The following HPS4 variants were observed in gnomAD, a reference collection of about 807,000 sequenced individuals.
HPS4 encodes BLOC-3 complex member HPS4.
Under a neutral mutation model 70.3 loss-of-function variants are expected in HPS4, and 44 were observed. That is an observed-to-expected ratio of 0.63 (90% CI 0.49 to 0.80). HPS4 has a LOEUF of 0.80. HPS4 is among the 30% of genes least tolerant of loss of function. HPS4 has a pLI of 0.00. For synonymous variants in HPS4, 377 were observed against 355.9 expected (o/e 1.06, Z -0.67); for missense variants, 873 against 884.4 (o/e 0.99, Z 0.16).
downstream of HPS4, among the ~76,000 whole-genome samples, chr22:26,449,897 C>T (rs1037353868): frequency 1.3e-5 from 2 of 152,180 alleles, no homozygotes; most frequent in Admixed American, 6.5e-5. Flanking sequence ...TTCACGGGAC[C>T]GAATTCAGTA....
In HPS4 at chr22:26,463,986, G is replaced by A. The variant is rs1176769104; in HGVS notation, c.1644C>T (p.Val548=). The change falls in exon 11 of 14, where the codon GTC becomes GTT. Residue 548 remains valine, a synonymous_variant. Coordinates refer to ENST00000398145, the MANE Select transcript of HPS4 (RefSeq NM_022081.6). ...CCAGCAGGGACAGCACCAGCCCTTT[G>A]ACGCAGTGAGTGTAGAGATTCATCC... is the stretch of plus-strand genomic sequence containing the variant. The part of the protein sequence containing the change: ...LVRMNLYTHC[V]KGLVLSLLAE... The A allele has an allele frequency of 6.2e-7, 1 of 1,614,238 alleles. No individual in the cohort carries two copies. The highest frequency in any genetic ancestry group is 1.7e-4 in the Middle Eastern group (1 of 6,060).
In HPS4 at chr22:26,451,997, CGCGCGCG is replaced by C; in HGVS notation, c.*1229_*1235del. ...GATGCGCCCACGTTACGCGCGCGCGCGCGCGCGCACACACACACACACACACACACAC... is the reference window on the plus strand; with the variant it reads ...GATGCGCCCACGTTACGCGCGCGCGCCACACACACACACACACACACACAC... On this transcript the variant is annotated 3_prime_UTR_variant, in exon 14 of 14. Transcript: ENST00000398145. 1 of 31,200 alleles carries C rather than the reference CGCGCGCG, an allele frequency of 3.2e-5. No homozygotes were observed. Among genetic ancestry groups the C allele is most frequent in the Non-Finnish European group, 6.5e-5 (1 of 15,306 alleles). 1.9% of individuals were successfully genotyped at this position (31,200 alleles called of 1,614,324 possible). A position where few individuals can be genotyped will look rare whatever the true frequency, so the allele number is the denominator to read the frequency against.
At chr22:26,449,679 A>T (rs1482842204), downstream of HPS4, among the ~76,000 whole-genome samples, 1 of 152,064 alleles carries the variant, frequency 6.6e-6, no homozygotes, top group Non-Finnish European at 1.5e-5. Flanking sequence ...TGGCAACCTC[A>T]TGTGGGGCCC....
At chr22:26,461,918 G>A (rs2087358865) in intron 11 of HPS4, among the ~76,000 whole-genome samples, 1 of 152,146 alleles carries the variant, frequency 6.6e-6, no homozygotes, top group African/African-American at 2.4e-5. Flanking sequence ...CCTGAGGTCA[G>A]GAGTTCGAGA....
intron 10 of HPS4, among the ~76,000 whole-genome samples, 188 bp from the exon 11 acceptor site, chr22:26,465,014 G>T (rs967215965): frequency 6.6e-6 from 1 of 152,236 alleles, no homozygotes; most frequent in Non-Finnish European, 1.5e-5. Flanking sequence ...GGGGCTTTAC[G>T]TAGTGACACC....
rs2089927365 is a variant in HPS4 at position 26,472,249 on chromosome 22, T to C, written c.501+53A>G. ...TCACTTCAGGAATATTAAAAAAGTA[T>C]CCAGAAGCCCTAGTCTTACATATAA... On this transcript the variant is annotated intron_variant, in intron 6 of 13. Transcript: ENST00000398145. The C allele has an allele frequency of 3.7e-6, 4 of 1,082,038 alleles. No individual in the cohort carries two copies. In the East Asian group the frequency reaches 9.4e-5, roughly 25 times the overall value. The allele number at this position is 1,082,038 out of a possible 1,614,324, so 67.0% of individuals were successfully genotyped here.
chr22:26,470,281 G>C (rs2089570114), intron 7 of HPS4, among the ~76,000 whole-genome samples: 2 of 152,372 alleles, frequency 1.3e-5, no homozygotes, highest in Admixed American at 6.5e-5. Context: ...CTTGAAGGCA[G>C]CTGGATAAGG....
chr22:26,464,602 T>C lies in HPS4; in HGVS notation c.1028A>G (p.Asn343Ser), dbSNP rs1460984837. The C allele has an allele frequency of 2.5e-6, 4 of 1,614,092 alleles. No individual in the cohort carries two copies. The highest frequency in any genetic ancestry group is 2.5e-6 in the Non-Finnish European group (3 of 1,180,024). Residue 343 changes from asparagine (N) to serine (S), a missense_variant, in exon 11 of 14, where the codon AAC (asparagine) becomes AGC (serine). Transcript: ENST00000398145. ...GCCAAGAACCTCACCCCTGGCAGAGTTGTGCAGTCCTGCGGGCCTGATGCT... is the reference window on the plus strand; with the variant it reads ...GCCAAGAACCTCACCCCTGGCAGAGCTGTGCAGTCCTGCGGGCCTGATGCT... ...LESIRPAGLHNSARGEVLGLS... is the reference protein window; with the variant it reads ...LESIRPAGLHSSARGEVLGLS...
In HPS4 at chr22:26,452,159, CCAT is replaced by C; in HGVS notation, c.*1071_*1073del. The C allele has an allele frequency of 6.0e-6, 2 of 335,812 alleles. No homozygotes were observed. Among genetic ancestry groups the C allele is most frequent in the Non-Finnish European group, 1.2e-5 (2 of 169,782 alleles). 20.8% of individuals were successfully genotyped at this position (335,812 alleles called of 1,614,324 possible). On this transcript the variant is annotated 3_prime_UTR_variant, in exon 14 of 14. Coordinates refer to ENST00000398145, the MANE Select transcript of HPS4 (RefSeq NM_022081.6). Reference sequence around the variant, plus strand: ...GGAAGCTTGTTTCAAGAAAAAGACACCATATCATAAACATCAGATATCAGTTCA... The same window carrying C: ...GGAAGCTTGTTTCAAGAAAAAGACACATCATAAACATCAGATATCAGTTCA...
At chr22:26,476,592 CTT>C (rs548797058) in intron 4 of HPS4, 43 of 170,772 alleles carry the variant, frequency 2.5e-4, no homozygotes, top group South Asian at 6.4e-4. Flanking sequence ...AAGCAATATT[CTT>C]TTTTTTTTTT....
Position 26,464,525 on chromosome 22 carries a change from A to G in HPS4, c.1105T>C (p.Leu369=), listed in dbSNP as rs2088067271. Residue 369 remains leucine (L), a synonymous_variant, in exon 11 of 14, where the codon TTG becomes CTG. Coordinates refer to ENST00000398145, the MANE Select transcript of HPS4 (RefSeq NM_022081.6). ...ELVFLQEELD[L]SEIHIPEAQE... is the part of the protein sequence containing the mutation. ...GCCTCTGGAATGTGGATTTCAGACAAGTCGAGTTCTTCTTGGAGAAAGACT... is the reference window on the plus strand; with the variant it reads ...GCCTCTGGAATGTGGATTTCAGACAGGTCGAGTTCTTCTTGGAGAAAGACT... The G allele has an allele frequency of 1.2e-6, 2 of 1,614,184 alleles. No individual in the cohort carries two copies. The highest frequency in any genetic ancestry group is 2.2e-5 in the East Asian group (1 of 44,872).
chr22:26,452,369 A>C lies in HPS4; in HGVS notation c.*864T>G, dbSNP rs1179800588. On this transcript the variant is annotated 3_prime_UTR_variant, in exon 14 of 14. Coordinates refer to ENST00000398145, the MANE Select transcript of HPS4 (RefSeq NM_022081.6). The stretch of plus-strand genomic sequence containing the variant: ...GTACCACACAAGCCCAGGAACACAC[A>C]GCTGAGTGTCGCTCCCTTTCACGCA... 2.2e-6 allele frequency: 1 copy of C among 456,574 alleles called. No individual in the cohort carries two copies. Among genetic ancestry groups the C allele is most frequent in the Admixed American group, 2.4e-5 (1 of 42,522 alleles). 28.3% of individuals were successfully genotyped at this position (456,574 alleles called of 1,614,324 possible).
chr22:26,457,737 T>C, intron 13 of HPS4, 122 bp downstream of exon 13: 1 of 754,974 alleles, frequency 1.3e-6, no homozygotes, highest in Non-Finnish European at 2.3e-6. Context: ...AGGAAGGCCT[T>C]AAGGAGAGTA....
At chr22:26,478,354 C>T (rs1192185682) in intron 3 of HPS4, among the ~76,000 whole-genome samples, 1 of 151,894 alleles carries the variant, frequency 6.6e-6, no homozygotes. Flanking sequence ...GGGTGGATCA[C>T]GAGGTCAGGA....
At chr22:26,479,635 T>C (rs2091056252) in intron 2 of HPS4, 2 of 1,292,936 alleles carry the variant, frequency 1.5e-6, no homozygotes, top group Non-Finnish European at 2.0e-6. Context: ...CCACAATGAC[T>C]GCTCTTATTT....
chr22:26,450,055 C>T (rs2085092459), downstream of HPS4, among the ~76,000 whole-genome samples: 1 of 152,160 alleles, frequency 6.6e-6, no homozygotes, highest in Admixed American at 6.5e-5. Flanking sequence ...ACGTGAGTAA[C>T]CTCCCCCTGC....
At chr22:26,453,673 G>A (rs768278011) in intron 13 of HPS4, 4 of 508,280 alleles carry the variant, frequency 7.9e-6, no homozygotes, top group South Asian at 2.0e-5. Context: ...GGAGTTATAA[G>A]TATTGCATAA....
intron 2 of HPS4, 90 bp from the exon 3 acceptor site, chr22:26,479,445 G>A (rs942689646): frequency 6.4e-7 from 1 of 1,552,662 alleles, no homozygotes; most frequent in Non-Finnish European, 8.7e-7. Context: ...GCCCGAGGAG[G>A]GCTTATTACT....
downstream of HPS4, among the ~76,000 whole-genome samples, chr22:26,450,483 C>T (rs140312172): frequency 6.6e-6 from 1 of 152,352 alleles, no homozygotes; most frequent in East Asian, 1.9e-4. Context: ...GTGACAACGG[C>T]CCAGAAGTCT....
Sources: gnomAD v4.1 joint callset for allele counts (sites outside exome capture counted in the v4.1 genomes callset) on GRCh38, gnomAD v4.1.1 for gene constraint, MANE v1.5 for transcripts, NCBI Gene and HGNC (gene_info 2026-07-23, HGNC 2026-07-21) for gene names.